Variants in ZNF527 observed in about 807,000 individuals in gnomAD.
ZNF527 encodes zinc finger protein 527.
A neutral mutation model predicts 13.5 loss-of-function variants in ZNF527; 5 were observed. The ratio of observed to expected loss-of-function variants is 0.37; its 90% CI spans 0.19 to 0.78. The LOEUF (loss-of-function observed/expected upper bound fraction) is 0.78, where lower values mean the gene tolerates loss of function less well. Among genes scored for constraint, ZNF527 ranks in the 30% least tolerant of loss-of-function variants. ZNF527 has a pLI of 0.48. For synonymous variants in ZNF527, 209 were observed against 243.1 expected (o/e 0.86, Z 1.30); for missense variants, 628 against 726.4 (o/e 0.86, Z 1.56).
intron 4 of ZNF527, among the ~76,000 whole-genome samples, chr19:37,380,698 G>T (rs2040647099): frequency 6.6e-6 from 1 of 152,054 alleles, no homozygotes; most frequent in Non-Finnish European, 1.5e-5. Flanking sequence ...AGTGTTTAAA[G>T]AATCAAGTAG....
At chr19:37,372,190 A>T (rs766475690) in intron 1 of ZNF527, among the ~76,000 whole-genome samples, 1 of 151,602 alleles carries the variant, frequency 6.6e-6, no homozygotes, top group African/African-American at 2.4e-5. Context: ...AGTAGAGACG[A>T]GGTTTCACCA....
intron 2 of ZNF527, among the ~76,000 whole-genome samples, chr19:37,375,574 T>G (rs898987693): frequency 6.6e-6 from 1 of 151,816 alleles, no homozygotes; most frequent in Non-Finnish European, 1.5e-5. Flanking sequence ...TTGGCCAAGA[T>G]GGTCTTGATC....
rs2040766420 is a variant in ZNF527, at chr19:37,392,983, A to C, written c.*3104A>C. The C allele has an allele frequency of 6.6e-6, 1 of 152,168 alleles. No homozygotes were observed. Among genetic ancestry groups the C allele is most frequent in the Non-Finnish European group, 1.5e-5 (1 of 68,024 alleles). The allele number at this position is 152,168 out of a possible 1,614,324, so 9.4% of individuals were successfully genotyped here. A position where few individuals can be genotyped will look rare whatever the true frequency, so the allele number is the denominator to read the frequency against. ...GCTTTATTAATATTTGATTGTTATT[A>C]GGACCATCTAGAGATTTCTGTTTAT... On this transcript the variant is annotated 3_prime_UTR_variant, in exon 5 of 5. Transcript: ENST00000436120.
intron 4 of ZNF527, among the ~76,000 whole-genome samples, chr19:37,383,832 C>T (rs1476885717): frequency 6.6e-6 from 1 of 152,034 alleles, no homozygotes; most frequent in Non-Finnish European, 1.5e-5. Context: ...CCACCGTGCC[C>T]AGCCTATTTT....
Position 37,388,447 on chromosome 19 carries a change from A to C in ZNF527, c.398A>C (p.Lys133Thr), listed in dbSNP as rs1280809973. 1.2e-6 allele frequency: 2 copies of C among 1,614,194 alleles called. No homozygotes were observed. The highest frequency in any genetic ancestry group is 3.3e-5 in the Admixed American group (2 of 60,018). ...CSSFREAWKY[K>T]GEFELHQGNA... ...AGTTTCAGAGAAGCCTGGAAATATA[A>C]GGGTGAATTTGAGCTACATCAGGGA... The change falls in exon 5 of 5, where the codon AAG becomes ACG. Residue 133 changes from lysine (K) to threonine (T), a missense_variant. Lys to Thr is a moderately conservative substitution (Grantham distance 78). This residue lies in a region of ZNF527 where 592 missense variants were observed against 678.0 expected (regional missense o/e 0.87). Transcript: ENST00000436120.
At chr19:37,378,419 T>C (rs919599317) in intron 2 of ZNF527, among the ~76,000 whole-genome samples, 3 of 152,220 alleles carry the variant, frequency 2.0e-5, no homozygotes, top group African/African-American at 7.2e-5. Flanking sequence ...TTTCTTCATA[T>C]GGATATTTTA....
intron 4 of ZNF527, 104 bp downstream of exon 4, chr19:37,380,476 C>T (rs2040645251): frequency 1.1e-6 from 1 of 892,250 alleles, no homozygotes; most frequent in Middle Eastern, 2.4e-4. Flanking sequence ...ACTGAAATCT[C>T]CATAGTATGT....
chr19:37,385,766 G>A (rs1228884074), intron 4 of ZNF527: 1 of 154,136 alleles, frequency 6.5e-6, no homozygotes, highest in Non-Finnish European at 1.4e-5. Context: ...GTAACATTTT[G>A]TAGGACTTTT....
In ZNF527 at chr19:37,390,837, A is replaced by T. The variant is rs867866631; in HGVS notation, c.*958A>T. The T allele has an allele frequency of 3.9e-5, 6 of 152,210 alleles. No homozygotes were observed. The highest frequency in any genetic ancestry group is 7.3e-5 in the Non-Finnish European group (5 of 68,028). 9.4% of individuals were successfully genotyped at this position (152,210 alleles called of 1,614,324 possible). A position where few individuals can be genotyped will look rare whatever the true frequency, so the allele number is the denominator to read the frequency against. On this transcript the variant is annotated 3_prime_UTR_variant, in exon 5 of 5. Transcript: ENST00000436120. ...TTCACACATTCTATGTTTGCTATAC[A>T]TAAAAGAAAGCCTTAATTTTTTACG...
At position 37,373,414 on chromosome 19, in the gene ZNF527, A is replaced by G. The variant is rs187539827; in HGVS notation, c.-41-744A>G. On this transcript the variant is annotated intron_variant, in intron 1 of 4. Coordinates refer to ENST00000436120, the MANE Select transcript of ZNF527 (RefSeq NM_032453.2). ...AGTTAACATTGTATATTTATATTACATAAGGCACAGTAAAATTTATTTATT... is the reference window on the plus strand; with the variant it reads ...AGTTAACATTGTATATTTATATTACGTAAGGCACAGTAAAATTTATTTATT... 2.0e-5 allele frequency among the ~76,000 whole-genome samples: 3 copies of G among 152,274 alleles called. No homozygotes were observed. The South Asian group carries it at 6.2e-4, about 32-fold the overall frequency.
chr19:37,373,655 G>T (rs183506089), intron 1 of ZNF527, among the ~76,000 whole-genome samples: 18 of 152,328 alleles, frequency 1.2e-4, no homozygotes, highest in Admixed American at 3.3e-4. Context: ...ACCTGGAACA[G>T]GGGTTCCCTT....
At chr19:37,375,977 T>C (rs1006812219) in intron 2 of ZNF527, among the ~76,000 whole-genome samples, 1 of 152,194 alleles carries the variant, frequency 6.6e-6, no homozygotes, top group African/African-American at 2.4e-5. Flanking sequence ...GGAAATATTC[T>C]TGACAAGAGC....
Position 37,388,405 on chromosome 19 carries a change from A to T in ZNF527, c.356A>T (p.His119Leu). 1 of 1,614,164 alleles carries T rather than the reference A, an allele frequency of 6.2e-7. No individual in the cohort carries two copies. Among genetic ancestry groups the T allele is most frequent in the Non-Finnish European group, 8.5e-7 (1 of 1,180,020 alleles). Reference sequence around the variant, plus strand: ...ATGGTAATGGAAAGGCTAGCAAGTCATGGCCTTGAATGCTCCAGTTTCAGA... The same window carrying T: ...ATGGTAATGGAAAGGCTAGCAAGTCTTGGCCTTGAATGCTCCAGTTTCAGA... ...QEMVMERLASHGLECSSFREA... is the reference protein window; with the variant it reads ...QEMVMERLASLGLECSSFREA... The change falls in exon 5 of 5, where the codon CAT becomes CTT. Residue 119 changes from histidine (H) to leucine (L), a missense_variant. Physicochemically the swap from His to Leu is moderately conservative, Grantham distance 99 (BLOSUM62 -3). Around this residue, in one of 3 missense-constraint regions of ZNF527, gnomAD observed 592 missense variants for 678.0 expected, o/e 0.87. Coordinates refer to ENST00000436120, the MANE Select transcript of ZNF527 (RefSeq NM_032453.2).
chr19:37,381,352 G>T (rs1367068258), intron 4 of ZNF527, among the ~76,000 whole-genome samples: 1 of 152,024 alleles, frequency 6.6e-6, no homozygotes, highest in East Asian at 1.9e-4. Context: ...ATCTCTCCTG[G>T]AATCCTCAGA....
At chr19:37,378,311 A>C (rs2040624518) in intron 2 of ZNF527, among the ~76,000 whole-genome samples, 1 of 152,160 alleles carries the variant, frequency 6.6e-6, no homozygotes, top group Non-Finnish European at 1.5e-5. Context: ...TACAGGCGTG[A>C]ACCACTGCGC....
intron 3 of ZNF527, 199 bp from the exon 4 acceptor site, chr19:37,380,078 G>T: frequency 9.2e-7 from 1 of 1,083,686 alleles, no homozygotes. Flanking sequence ...AGCACTTTGA[G>T]AACCACTGTC....
intron 4 of ZNF527, among the ~76,000 whole-genome samples, chr19:37,383,260 G>A (rs1033971001): frequency 1.3e-5 from 2 of 151,832 alleles, no homozygotes; most frequent in African/African-American, 4.8e-5. Context: ...TTTTGAGATG[G>A]AGCCTTGCTC....
At chr19:37,382,784 G>T (rs774249136) in intron 4 of ZNF527, among the ~76,000 whole-genome samples, 2 of 152,092 alleles carry the variant, frequency 1.3e-5, no homozygotes, top group Non-Finnish European at 2.9e-5. Context: ...TCGGCTCACT[G>T]CAAGCTCCGC....
At position 37,389,030 on chromosome 19, in the gene ZNF527, G is replaced by A; in HGVS notation, c.981G>A (p.Glu327=). The change falls in exon 5 of 5, where the codon GAG becomes GAA. Residue 327 remains glutamate (E), a synonymous_variant. Coordinates refer to ENST00000436120, the MANE Select transcript of ZNF527 (RefSeq NM_032453.2). ...AACATCAAAGAACTCATATTGGGGA[G>A]AAACCTTATGAATGTAAGGAATGTA... The part of the protein sequence containing the change: ...LSEHQRTHIG[E]KPYECKECNK... 6.2e-7 allele frequency: 1 copy of A among 1,614,206 alleles called. No homozygotes were observed. The highest frequency in any genetic ancestry group is 8.5e-7 in the Non-Finnish European group (1 of 1,180,034).
Sources: allele counts gnomAD v4.1 joint callset (sites outside exome capture counted in the v4.1 genomes callset), GRCh38; gene constraint gnomAD v4.1.1; regional missense constraint gnomAD v4.1.1; transcripts MANE v1.5; gene names NCBI Gene and HGNC (gene_info 2026-07-23, HGNC 2026-07-21).